Variants in STAU2 observed in about 807,000 individuals in gnomAD.
STAU2 encodes double-stranded RNA-binding protein Staufen homolog 2.
STAU2 carries 20 observed loss-of-function variants against 65.9 expected under a neutral mutation model. That is an observed-to-expected ratio of 0.30 (90% CI 0.21 to 0.44). The LOEUF is 0.44. STAU2 is among the 20% of genes least tolerant of loss of function. The probability of loss-of-function intolerance (pLI) is 1.00; values close to 1 mark genes in which losing one functional copy is unlikely to be tolerated. For synonymous variants in STAU2, 232 were observed against 233.9 expected, an observed-to-expected ratio of 0.99 and a Z score of 0.07; for missense variants, 558 against 683.9, an observed-to-expected ratio of 0.82 and a Z score of 2.05.
At chr8:73,682,347 G>A (rs1342055642) in intron 5 of STAU2, among the ~76,000 whole-genome samples, 3 of 151,610 alleles carry the variant, frequency 2.0e-5, no homozygotes, top group African/African-American at 7.3e-5. Context: ...GCAAATACAT[G>A]GAAATTAAAT....
At chr8:73,719,199 C>A (rs971550923) in intron 3 of STAU2, among the ~76,000 whole-genome samples, 2 of 152,020 alleles carry the variant, frequency 1.3e-5, no homozygotes, top group Admixed American at 6.6e-5. Context: ...GTCAGGAGAT[C>A]GAGACCATCT....
intron 13 of STAU2, among the ~76,000 whole-genome samples, chr8:73,455,673 G>A (rs1203362619): frequency 2.0e-5 from 3 of 152,098 alleles, no homozygotes; most frequent in East Asian, 1.9e-4. Context: ...AAAAACCACC[G>A]TCATTTCCTC....
intron 6 of STAU2, among the ~76,000 whole-genome samples, chr8:73,628,988 T>C (rs988228648): frequency 3.9e-5 from 6 of 152,242 alleles, no homozygotes; most frequent in Non-Finnish European, 7.3e-5. Context: ...TCAGCGGTAT[T>C]GCAGAAAGAT....
intron 13 of STAU2, among the ~76,000 whole-genome samples, chr8:73,466,484 G>A (rs946636477): frequency 2.6e-5 from 4 of 152,192 alleles, no homozygotes; most frequent in African/African-American, 9.7e-5. Flanking sequence ...AAGAAAAAGG[G>A]GGTGGAGGTA....
At chr8:73,423,120 T>C (rs1816517549) in intron 13 of STAU2, among the ~76,000 whole-genome samples, 1 of 152,236 alleles carries the variant, frequency 6.6e-6, no homozygotes, top group African/African-American at 2.4e-5. Context: ...TTCAAATTGA[T>C]AGACACTTAG....
intron 6 of STAU2, among the ~76,000 whole-genome samples, chr8:73,642,284 T>C (rs1475094122): frequency 6.6e-6 from 1 of 152,098 alleles, no homozygotes; most frequent in Admixed American, 6.5e-5. Context: ...CAGCACTTTA[T>C]GAGGCCAAGG....
intron 1 of STAU2, among the ~76,000 whole-genome samples, chr8:73,746,266 GC>G (rs994590614): frequency 6.7e-6 from 1 of 150,082 alleles, no homozygotes; most frequent in Non-Finnish European, 1.5e-5. Context: ...CGCCTCCAGC[GC>G]CCCCAGGCCC....
rs565614032 is a variant in STAU2, at chr8:73,640,206, T to C, written c.411-22755A>G. Among the ~76,000 whole-genome samples the C allele has an allele frequency of 3.9e-5, 6 of 151,958 alleles. No homozygotes were observed. The East Asian group carries it at 1.2e-3, about 29-fold the overall frequency. On this transcript the variant is annotated intron_variant, in intron 6 of 14. Coordinates refer to ENST00000524300, the MANE Select transcript of STAU2 (RefSeq NM_001164380.2). Reference sequence around the variant, plus strand: ...GCTTCCTATAATAATACACATCATATACTGTTTACTGATCAATAGGAAAAA... The same window carrying C: ...GCTTCCTATAATAATACACATCATACACTGTTTACTGATCAATAGGAAAAA...
chr8:73,649,725 A>G (rs1054480393), intron 6 of STAU2, among the ~76,000 whole-genome samples: 1 of 151,686 alleles, frequency 6.6e-6, no homozygotes, highest in African/African-American at 2.4e-5. Context: ...TGATATTATC[A>G]TCAATATATC....
chr8:73,726,570 C>T (rs1270990548), intron 3 of STAU2, among the ~76,000 whole-genome samples: 1 of 152,168 alleles, frequency 6.6e-6, no homozygotes, highest in East Asian at 1.9e-4. Flanking sequence ...TCCTTCCACC[C>T]TGTGCTTCAT....
At chr8:73,522,755 A>G (rs1417368276) in intron 13 of STAU2, among the ~76,000 whole-genome samples, 2 of 152,224 alleles carry the variant, frequency 1.3e-5, no homozygotes, top group Non-Finnish European at 2.9e-5. Context: ...AGACATCACG[A>G]GGACCTCCAG....
chr8:73,723,742 CT>C (rs1170451692), intron 3 of STAU2, among the ~76,000 whole-genome samples: 1 of 152,152 alleles, frequency 6.6e-6, no homozygotes, highest in Non-Finnish European at 1.5e-5. Context: ...GTATCTCTAA[CT>C]TTTTGAATAC....
chr8:73,727,563 G>A (rs1023538581), intron 3 of STAU2, among the ~76,000 whole-genome samples: 1 of 152,150 alleles, frequency 6.6e-6, no homozygotes, highest in Non-Finnish European at 1.5e-5. Flanking sequence ...TTTCTTTACT[G>A]CTAGACAATT....
At chr8:73,634,884 AT>A (rs1405932362) in intron 6 of STAU2, among the ~76,000 whole-genome samples, 1 of 152,196 alleles carries the variant, frequency 6.6e-6, no homozygotes, top group African/African-American at 2.4e-5. Context: ...ACAGGGCTCT[AT>A]TCTTCCTATA....
At position 73,550,150 on chromosome 8, in the gene STAU2, T is replaced by A. The variant is rs182174772; in HGVS notation, c.1530+1862A>T. The A allele has an allele frequency of 3.0e-6, 3 of 985,388 alleles. No homozygotes were observed. The African/African-American group carries it at 5.2e-5, about 17-fold the overall frequency. 61.0% of individuals were successfully genotyped at this position (985,388 alleles called of 1,614,324 possible). A position where few individuals can be genotyped will look rare whatever the true frequency, so the allele number is the denominator to read the frequency against. ...AGCTCATTCAACCAAAGAAGCACAG[T>A]AATATTTTAAAATCACCTGTTTATA... On this transcript the variant is annotated intron_variant, in intron 13 of 14. Coordinates refer to ENST00000524300, the MANE Select transcript of STAU2 (RefSeq NM_001164380.2).
At chr8:73,571,638 T>A (rs80108587) in intron 12 of STAU2, among the ~76,000 whole-genome samples, 11 of 152,244 alleles carry the variant, frequency 7.2e-5, no homozygotes, top group Middle Eastern at 3.4e-3. Flanking sequence ...AACCTGCTGC[T>A]GAATGACTAC....
chr8:73,553,382 T>C (rs1807477990), intron 12 of STAU2, among the ~76,000 whole-genome samples: 1 of 152,192 alleles, frequency 6.6e-6, no homozygotes, highest in South Asian at 2.1e-4. Flanking sequence ...TCAGTGTCCA[T>C]TTCCCAAAAT....
intron 12 of STAU2, among the ~76,000 whole-genome samples, chr8:73,576,225 C>T (rs560658512): frequency 1.3e-5 from 2 of 151,938 alleles, no homozygotes; most frequent in African/African-American, 4.8e-5. Context: ...TCACAAAATC[C>T]TGAAAATATC....
intron 11 of STAU2, among the ~76,000 whole-genome samples, chr8:73,587,246 T>C (rs1237874187): frequency 1.3e-5 from 2 of 152,106 alleles, no homozygotes; most frequent in Non-Finnish European, 2.9e-5. Context: ...ATCAAGTGTG[T>C]GGCAAATATA....
Sources: gnomAD v4.1 joint callset for allele counts (sites outside exome capture counted in the v4.1 genomes callset) on GRCh38, gnomAD v4.1.1 for gene constraint, MANE v1.5 for transcripts, NCBI Gene and HGNC (gene_info 2026-07-23, HGNC 2026-07-21) for gene names.